The following QTGAL variants were observed in gnomAD, a reference collection of about 807,000 sequenced individuals.
QTGAL encodes the protein BGnT-like protein 1.
chr17:82,991,143 C>T, the QTGAL span, among the ~76,000 whole-genome samples: 1 of 152,110 alleles, frequency 6.6e-6, no homozygotes, highest in Non-Finnish European at 1.5e-5. Flanking sequence ...TAGAAGAAAA[C>T]AGGAGGAAAA....
chr17:82,961,152 G>A, the QTGAL span: 61 of 1,607,984 alleles, frequency 3.8e-5, no homozygotes, highest in African/African-American at 4.3e-4. Flanking sequence ...TGAGGTGCTC[G>A]TAGAAGAACA....
chr17:83,027,501 G>C, the QTGAL span, among the ~76,000 whole-genome samples: 1 of 151,966 alleles, frequency 6.6e-6, no homozygotes. Flanking sequence ...AAATAAGTTG[G>C]ACTTCACTGA....
chr17:82,961,263 G>C, the QTGAL span: 1 of 1,519,810 alleles, frequency 6.6e-7, no homozygotes, highest in Admixed American at 2.0e-5. Flanking sequence ...CCTGCGCTCA[G>C]CCGGCCAACC....
chr17:82,957,273 G>A, the QTGAL span: 2 of 1,614,150 alleles, frequency 1.2e-6, no homozygotes, highest in Non-Finnish European at 1.7e-6. Context: ...CAGAAGGGCA[G>A]CTCTGGACAG....
the QTGAL span, among the ~76,000 whole-genome samples, chr17:82,964,027 T>TGG: frequency 0.025 from 3,690 of 144,858 alleles, 221 homozygotes; most frequent in African/African-American, 0.086. Flanking sequence ...AAGGCTGAGG[T>TGG]CGGGGGGGTG....
At chr17:83,005,825 C>T in the QTGAL span, among the ~76,000 whole-genome samples, 1 of 152,142 alleles carries the variant, frequency 6.6e-6, no homozygotes, top group Non-Finnish European at 1.5e-5. This position sits in a 1 kb window ranked among gnomAD's most constrained non-coding sequence, Gnocchi z 5.6. Context: ...CATCACCTGC[C>T]TCAGCCTTTC....
chr17:82,944,702 TG>T, the QTGAL span: 1 of 152,166 alleles, frequency 6.6e-6, no homozygotes, highest in African/African-American at 2.4e-5. Context: ...GTGGGATTTG[TG>T]TACCCACAAA....
At chr17:83,041,179 T>C in the QTGAL span, among the ~76,000 whole-genome samples, 1 of 151,548 alleles carries the variant, frequency 6.6e-6, no homozygotes, top group East Asian at 1.9e-4. Context: ...CAGAGATAGA[T>C]GGGTAAGTCT....
At chr17:82,970,518 C>A in the QTGAL span, among the ~76,000 whole-genome samples, 1 of 151,192 alleles carries the variant, frequency 6.6e-6, no homozygotes, top group East Asian at 1.9e-4. Context: ...CACAGGTCCT[C>A]CCCACCCAGC....
At chr17:82,974,938 G>A in the QTGAL span, among the ~76,000 whole-genome samples, 1,240 of 139,574 alleles carry the variant, frequency 8.9e-3, 66 homozygotes, top group African/African-American at 0.036. Context: ...GACAGAGCCG[G>A]ACTCCATCCT....
chr17:83,037,486 C>CAT, the QTGAL span, among the ~76,000 whole-genome samples: 1 of 152,222 alleles, frequency 6.6e-6, no homozygotes, highest in African/African-American at 2.4e-5. The surrounding 1 kb of genome is among the most constrained non-coding windows in gnomAD (Gnocchi z 5.2). Context: ...AAGCCAGGGG[C>CAT]ATAAACAGGC....
the QTGAL span, chr17:82,946,749 G>T: frequency 1.4e-6 from 1 of 730,094 alleles, no homozygotes; most frequent in Non-Finnish European, 2.2e-6. Flanking sequence ...CAGAAGAAAG[G>T]CTGGAAATTA....
At chr17:82,970,173 G>A in the QTGAL span, among the ~76,000 whole-genome samples, 1 of 152,158 alleles carries the variant, frequency 6.6e-6, no homozygotes, top group Non-Finnish European at 1.5e-5. Flanking sequence ...GAAGAGCCCC[G>A]AGGGGGTCCT....
chr17:83,051,487 G>T, the QTGAL span, among the ~76,000 whole-genome samples: 1 of 152,310 alleles, frequency 6.6e-6, no homozygotes, highest in Non-Finnish European at 1.5e-5. Flanking sequence ...CTCGCGGGAC[G>T]GGGGCAGGAA....
chr17:82,965,731 C>A, the QTGAL span: 3 of 1,612,056 alleles, frequency 1.9e-6, no homozygotes, highest in South Asian at 1.1e-5. Context: ...ACCGTGGGGC[C>A]ATTTGAGGTG....
the QTGAL span, among the ~76,000 whole-genome samples, chr17:83,033,270 C>T: frequency 2.0e-4 from 31 of 152,282 alleles, no homozygotes; most frequent in Middle Eastern, 0.017. Context: ...GAAACTTCTC[C>T]ACCGTGACCC....
the QTGAL span, among the ~76,000 whole-genome samples, chr17:82,970,656 C>CGACCTCCGCACCCGGCGTGGACGT: frequency 4.2e-4 from 16 of 38,476 alleles, 2 homozygotes; most frequent in African/African-American, 1.7e-3. Context: ...GGTGTGGCCG[C>CGACCTCCGCACCCGGCGTGGACGT]GACCTCCGCA....
At chr17:83,016,458 A>C in the QTGAL span, among the ~76,000 whole-genome samples, 2 of 145,618 alleles carry the variant, frequency 1.4e-5, no homozygotes, top group Admixed American at 7.0e-5. Context: ...GGCAGAGAGA[A>C]GAGAATAAAG....
At chr17:82,965,488 G>C in the QTGAL span, among the ~76,000 whole-genome samples, 1 of 152,232 alleles carries the variant, frequency 6.6e-6, no homozygotes, top group Non-Finnish European at 1.5e-5. Context: ...ATGCTGGCAG[G>C]TGCCAGGAGG....
Sources: gnomAD v4.1 joint callset for allele counts (sites outside exome capture counted in the v4.1 genomes callset) on GRCh38, gnomAD v4.1.1 for gene constraint, Gnocchi (gnomAD v3.1) non-coding constraint, MANE v1.5 for transcripts, NCBI Gene and HGNC (gene_info 2026-07-23, HGNC 2026-07-21) for gene names.